The following SYNE2 variants were observed in gnomAD, a reference collection of about 807,000 sequenced individuals.
SYNE2 encodes the protein spectrin repeat containing nuclear envelope protein 2.
Under a neutral mutation model 856.3 loss-of-function variants are expected in SYNE2, and 431 were observed. The observed-to-expected ratio is 0.50, with a 90% confidence interval of 0.47 to 0.55. The LOEUF (loss-of-function observed/expected upper bound fraction) is 0.55, where lower values mean the gene tolerates loss of function less well. SYNE2 is among the 20% of genes least tolerant of loss of function. The pLI is 0.00. For synonymous variants in SYNE2, 2,923 were observed against 2,872.3 expected, an observed-to-expected ratio of 1.02 and a Z score of -0.56; for missense variants, 8,129 against 8,023.2, an observed-to-expected ratio of 1.01 and a Z score of -0.50.
chr14:63,974,619 T>TGTGATCTTGGCTCACTGCA lies in SYNE2; in HGVS notation c.1129-1942_1129-1924dup, dbSNP rs1260163614. Reference sequence around the variant, plus strand: ...TGTTGCCCAGGCTGGAGTGCACTGGTGTGATCTTGGCTCACTGCAGCCTCC... The same window carrying TGTGATCTTGGCTCACTGCA: ...TGTTGCCCAGGCTGGAGTGCACTGGTGTGATCTTGGCTCACTGCAGTGATCTTGGCTCACTGCAGCCTCC... On this transcript the variant is annotated intron_variant, in intron 11 of 115. Coordinates refer to ENST00000555002, the MANE Select transcript of SYNE2 (RefSeq NM_182914.3). Among the ~76,000 whole-genome samples the TGTGATCTTGGCTCACTGCA allele has an allele frequency of 1.3e-3, 192 of 151,262 alleles. 1 individual carries two copies. The highest frequency in any genetic ancestry group is 4.6e-3 in the African/African-American group (189 of 41,246).
At chr14:64,135,025 T>A (rs1361953608) in intron 78 of SYNE2, among the ~76,000 whole-genome samples, 1 of 119,198 alleles carries the variant, frequency 8.4e-6, no homozygotes, top group Non-Finnish European at 1.6e-5. Flanking sequence ...TTTAAACTTT[T>A]TTGTGTAACT....
At chr14:64,009,902 C>G in intron 31 of SYNE2, 64 bp from the exon 32 acceptor site, 2 of 1,449,360 alleles carry the variant, frequency 1.4e-6, no homozygotes, top group Admixed American at 1.7e-5. Flanking sequence ...GGGATACTTG[C>G]AAAGAGAAAG....
chr14:63,999,993 T>C (rs1594772912), intron 27 of SYNE2, among the ~76,000 whole-genome samples: 1 of 152,236 alleles, frequency 6.6e-6, no homozygotes, highest in South Asian at 2.1e-4. Context: ...AGAAAAACTA[T>C]ACTAATCTTT....
At chr14:63,943,746 C>G (rs2095966643) in intron 6 of SYNE2, among the ~76,000 whole-genome samples, 1 of 151,706 alleles carries the variant, frequency 6.6e-6, no homozygotes, top group African/African-American at 2.4e-5. Flanking sequence ...TCTCGGCTCA[C>G]TGCAACCTCC....
chr14:64,092,186 G>A (rs1189107237), intron 60 of SYNE2, among the ~76,000 whole-genome samples: 2 of 152,188 alleles, frequency 1.3e-5, no homozygotes, highest in African/African-American at 4.8e-5. Flanking sequence ...GAAAGCCACG[G>A]TCCTAACTAT....
At chr14:64,223,803 ACCAGACTTAGGG>A (rs985265380) in intron 113 of SYNE2, among the ~76,000 whole-genome samples, 1 of 152,114 alleles carries the variant, frequency 6.6e-6, no homozygotes, top group African/African-American at 2.4e-5. Flanking sequence ...CTGTGGCCTC[ACCAGACTTAGGG>A]CAGGTCTGTT....
intron 85 of SYNE2, among the ~76,000 whole-genome samples, chr14:64,152,969 G>A (rs1318637597): frequency 6.6e-6 from 1 of 152,176 alleles, no homozygotes; most frequent in Non-Finnish European, 1.5e-5. Context: ...TTTGTCTAAT[G>A]TACTCACTCA....
rs2096719776 is a variant in SYNE2, at chr14:63,997,150, G to A, written c.3144G>A (p.Ser1048=). 1 of 1,613,688 alleles carries A rather than the reference G, an allele frequency of 6.2e-7. No individual in the cohort carries two copies. The highest frequency in any genetic ancestry group is 8.5e-7 in the Non-Finnish European group (1 of 1,179,760). ...MTLQPTAGGT[S]KNEGTITTSE... is the part of the protein sequence containing the mutation. ...TGCAGCCCACAGCGGGAGGCACGTC[G>A]AAAAACGAGTTAGTACTTCATAAGA... is the stretch of plus-strand genomic sequence containing the variant. Residue 1048 remains serine, a synonymous_variant, in exon 24 of 116, where the codon TCG becomes TCA. Coordinates refer to ENST00000555002, the MANE Select transcript of SYNE2 (RefSeq NM_182914.3).
At chr14:64,060,372 G>C (rs536224477) in intron 49 of SYNE2, among the ~76,000 whole-genome samples, 2 of 151,690 alleles carry the variant, frequency 1.3e-5, no homozygotes, top group Admixed American at 6.6e-5. Flanking sequence ...AATGAATCCT[G>C]CCAGGGCTGG....
At chr14:64,190,899 AAAT>A (rs1433263442) in intron 99 of SYNE2, 1 of 697,744 alleles carries the variant, frequency 1.4e-6, no homozygotes, top group Non-Finnish European at 2.6e-6. Flanking sequence ...AAATGTCTTC[AAAT>A]TCCCTCTCTA....
chr14:64,137,982 A>T lies in SYNE2; in HGVS notation c.14842A>T (p.Ser4948Cys), dbSNP rs771013344. 6.2e-7 allele frequency: 1 copy of T among 1,613,188 alleles called. No individual in the cohort carries two copies. The highest frequency in any genetic ancestry group is 8.5e-7 in the Non-Finnish European group (1 of 1,179,568). The part of the protein sequence containing the change: ...RLQALLKHLL[S>C]YNRDSDQLTK... Reference sequence around the variant, plus strand: ...GCAAGCTCTTCTCAAGCATCTGCTCAGGTCAGCCTTTTTGGGGGTGGATTG... The same window carrying T: ...GCAAGCTCTTCTCAAGCATCTGCTCTGGTCAGCCTTTTTGGGGGTGGATTG... The change falls in exon 79 of 116, where the codon AGT becomes TGT. Residue 4948 changes from serine (S) to cysteine (C), a missense_variant and splice_region_variant. Physicochemically the swap from Ser to Cys is moderately radical, Grantham distance 112. Coordinates refer to ENST00000555002, the MANE Select transcript of SYNE2 (RefSeq NM_182914.3).
chr14:63,924,834 G>GTTTTTTTTTTTTTTTT (rs1160819887), intron 2 of SYNE2, among the ~76,000 whole-genome samples: 8 of 56,456 alleles, frequency 1.4e-4, no homozygotes, highest in Non-Finnish European at 2.2e-4. Flanking sequence ...CAGCCTTGGT[G>GTTTTTTTTTTTTTTTT]TTTTTTTTTT....
intron 1 of SYNE2, among the ~76,000 whole-genome samples, chr14:63,889,812 A>G (rs1279467953): frequency 6.6e-6 from 1 of 152,080 alleles, no homozygotes; most frequent in East Asian, 1.9e-4. Context: ...TTTACATGAC[A>G]TGAGAGTCTT....
At chr14:64,037,864 C>A (rs1260472021) in intron 45 of SYNE2, among the ~76,000 whole-genome samples, 4 of 150,852 alleles carry the variant, frequency 2.7e-5, no homozygotes, top group African/African-American at 4.9e-5. Context: ...ACCTCCCTCC[C>A]GGACGGGGCG....
At chr14:63,834,871 C>G (rs948796018) in intron 1 of SYNE2, among the ~76,000 whole-genome samples, 1 of 148,928 alleles carries the variant, frequency 6.7e-6, no homozygotes, top group Non-Finnish European at 1.5e-5. Context: ...ATCTCTTGAC[C>G]TCGTGATCCA....
intron 61 of SYNE2, among the ~76,000 whole-genome samples, chr14:64,097,238 A>T (rs1305953333): frequency 6.6e-6 from 1 of 152,184 alleles, no homozygotes; most frequent in Non-Finnish European, 1.5e-5. Context: ...CCATAATAAG[A>T]TATACTACAT....
chr14:63,927,695 C>T (rs1003576797), intron 2 of SYNE2, among the ~76,000 whole-genome samples: 2 of 151,998 alleles, frequency 1.3e-5, no homozygotes, highest in Non-Finnish European at 2.9e-5. Context: ...AGATTGAGAC[C>T]AGCCTGGCCA....
At chr14:63,778,023 C>T (rs944980839) in intron 1 of SYNE2, among the ~76,000 whole-genome samples, 2 of 152,106 alleles carry the variant, frequency 1.3e-5, no homozygotes, top group African/African-American at 4.8e-5. Context: ...CTATGTGAGG[C>T]AATGGATATA....
intron 11 of SYNE2, among the ~76,000 whole-genome samples, chr14:63,975,989 A>G (rs1241683828): frequency 6.6e-6 from 1 of 152,250 alleles, no homozygotes; most frequent in East Asian, 1.9e-4. Context: ...AGAAGCAAGC[A>G]GTCAGAGTGT....
Sources: gnomAD v4.1 joint callset for allele counts (sites outside exome capture counted in the v4.1 genomes callset) on GRCh38, gnomAD v4.1.1 for gene constraint, MANE v1.5 for transcripts, NCBI Gene and HGNC (gene_info 2026-07-23, HGNC 2026-07-21) for gene names.